The following FGD3 variants were observed in gnomAD, a reference collection of about 807,000 sequenced individuals.
FGD3 encodes FYVE, RhoGEF and PH domain containing 3, also known as FYVE, RhoGEF and PH domain-containing protein 3.
Under a neutral mutation model 71.8 loss-of-function variants are expected in FGD3, and 45 were observed. The observed-to-expected ratio is 0.63, with a 90% CI of 0.49 to 0.80. FGD3 has a LOEUF of 0.80. FGD3 is among the 30% of genes least tolerant of loss of function. FGD3 has a pLI of 0.00. For missense variants in FGD3, 844 were observed against 951.5 expected (o/e 0.89, Z 1.49); for synonymous variants, 378 against 392.8 (o/e 0.96, Z 0.44).
chr9:93,003,254 G>A lies in FGD3; in HGVS notation c.543+240G>A, dbSNP rs981608735. ...AGCAATTCTCCTGTCTCAGCCTCCC[G>A]AGTAGCTGGGACTACAGGCACATGC... On this transcript the variant is annotated intron_variant, in intron 4 of 17. Transcript: ENST00000375482. The surrounding 1 kb of genome is among the most constrained non-coding windows in gnomAD (Gnocchi z 4.1). Among the ~76,000 whole-genome samples the A allele has an allele frequency of 5.9e-5, 9 of 151,900 alleles. No individual in the cohort carries two copies. The highest frequency in any genetic ancestry group is 1.2e-4 in the Non-Finnish European group (8 of 67,980).
chr9:93,025,148 G>A (rs1041812872), intron 14 of FGD3, among the ~76,000 whole-genome samples: 5 of 152,220 alleles, frequency 3.3e-5, no homozygotes, highest in African/African-American at 1.2e-4. Flanking sequence ...GGACAGCACC[G>A]CCTGCCCCAC....
rs1451991754 is a variant in FGD3 at position 92,969,341 on chromosome 9, T to C, written c.-217-5897T>C. 6.6e-6 allele frequency among the ~76,000 whole-genome samples: 1 copy of C among 152,220 alleles called. No homozygotes were observed. Among genetic ancestry groups the C allele is most frequent in the Non-Finnish European group, 1.5e-5 (1 of 68,034 alleles). On this transcript the variant is annotated intron_variant, in intron 1 of 17. Transcript: ENST00000375482. This position sits in a 1 kb window ranked among gnomAD's most constrained non-coding sequence, Gnocchi z 4.5. The stretch of plus-strand genomic sequence containing the variant: ...TCACAGTGAGGTGCTGGCTTCCAAG[T>C]GTGAGAGCCCAGAGCTGTCTTCCCT...
chr9:93,013,454 A>G (rs1175230802), intron 8 of FGD3, among the ~76,000 whole-genome samples: 2 of 152,160 alleles, frequency 1.3e-5, no homozygotes, highest in Non-Finnish European at 2.9e-5. Flanking sequence ...ACCAGTCACC[A>G]TGGTCAGGGG....
At chr9:92,967,824 C>T (rs549105737) in intron 1 of FGD3, among the ~76,000 whole-genome samples, 251 of 152,248 alleles carry the variant, frequency 1.6e-3, no homozygotes, top group Non-Finnish European at 1.8e-3. Flanking sequence ...CCGCCCGCCT[C>T]GGCCTCCCAA....
In FGD3 at chr9:92,970,855, C is replaced by G. The variant is rs954510474; in HGVS notation, c.-217-4383C>G. Among the ~76,000 whole-genome samples the G allele has an allele frequency of 7.2e-5, 11 of 152,340 alleles. No homozygotes were observed. In the East Asian group the frequency reaches 2.1e-3, roughly 29 times the overall value. On this transcript the variant is annotated intron_variant, in intron 1 of 17. Transcript: ENST00000375482. ...AGGCCAGGCAGTGGCCACACCAGCC[C>G]AGGAGGGTTGCTGCTGGCAAAAGCC...
intron 3 of FGD3, among the ~76,000 whole-genome samples, chr9:92,999,680 G>A (rs1860786606): frequency 1.4e-5 from 2 of 145,798 alleles, no homozygotes; most frequent in Admixed American, 7.1e-5. Context: ...TGTAACCTCC[G>A]CCTCCCGGGT....
At chr9:93,026,955 G>A (rs1026999046) in intron 14 of FGD3, among the ~76,000 whole-genome samples, 4 of 152,362 alleles carry the variant, frequency 2.6e-5, no homozygotes, top group African/African-American at 9.6e-5. Context: ...AGCCTCTCTG[G>A]GTGCCCACCT....
chr9:93,009,832 C>T (rs1021941658), intron 6 of FGD3, among the ~76,000 whole-genome samples: 1 of 152,188 alleles, frequency 6.6e-6, no homozygotes, highest in Non-Finnish European at 1.5e-5. Context: ...AGCCCTGGCC[C>T]GATACCCAGT....
chr9:93,017,764 T>C (rs913302615), intron 10 of FGD3, among the ~76,000 whole-genome samples: 4 of 151,998 alleles, frequency 2.6e-5, no homozygotes, highest in Non-Finnish European at 5.9e-5. Flanking sequence ...ACGTGGCTGC[T>C]GTGGCGGGCA....
chr9:92,951,512 C>CA (rs1168692063), intron 1 of FGD3, among the ~76,000 whole-genome samples: 1 of 152,120 alleles, frequency 6.6e-6, no homozygotes, highest in African/African-American at 2.4e-5. Context: ...TCCTTGTCTG[C>CA]AAAAAATACA....
intron 3 of FGD3, among the ~76,000 whole-genome samples, chr9:92,979,652 T>G (rs567836194): frequency 6.6e-6 from 1 of 152,218 alleles, no homozygotes; most frequent in African/African-American, 2.4e-5. Flanking sequence ...CCTCTTCAAT[T>G]GTTTTGGAAG....
chr9:92,971,540 ATTTTT>A (rs1859526161), intron 1 of FGD3, among the ~76,000 whole-genome samples: 1 of 89,876 alleles, frequency 1.1e-5, no homozygotes, highest in East Asian at 3.5e-4. Flanking sequence ...TAAGGGTGGG[ATTTTT>A]CTTTTCTTTT....
At chr9:92,988,366 C>T (rs1181745616) in intron 3 of FGD3, among the ~76,000 whole-genome samples, 1 of 152,220 alleles carries the variant, frequency 6.6e-6, no homozygotes, top group Non-Finnish European at 1.5e-5. Context: ...TGCACAGGTT[C>T]CCTTACCTAC....
At chr9:92,967,770 T>C (rs1200589729) in intron 1 of FGD3, among the ~76,000 whole-genome samples, 7 of 152,192 alleles carry the variant, frequency 4.6e-5, no homozygotes, top group Admixed American at 2.6e-4. Flanking sequence ...AGACAGGGTT[T>C]CATCATGTTG....
Position 92,989,686 on chromosome 9 carries a change from CG to C in FGD3, c.453+12978del, listed in dbSNP as rs1268423054. On this transcript the variant is annotated intron_variant, in intron 3 of 17. Coordinates refer to ENST00000375482, the MANE Select transcript of FGD3 (RefSeq NM_001083536.2). ...TTGCAAGAGAAAAGGAGCCGGTAGG[CG>C]AATAGTCAATTATGTATTCATCTGG... 9.2e-5 allele frequency among the ~76,000 whole-genome samples: 14 copies of C among 152,228 alleles called. No individual in the cohort carries two copies. The East Asian group carries it at 2.7e-3, about 29-fold the overall frequency.
At chr9:93,028,232 A>G (rs1447606994) in intron 14 of FGD3, among the ~76,000 whole-genome samples, 1 of 148,916 alleles carries the variant, frequency 6.7e-6, no homozygotes, top group Admixed American at 6.7e-5. Context: ...ACACACACAC[A>G]CACACCCCAA....
intron 1 of FGD3, among the ~76,000 whole-genome samples, chr9:92,966,641 G>A (rs1859338101): frequency 1.3e-5 from 2 of 152,192 alleles, no homozygotes; most frequent in East Asian, 1.9e-4. Context: ...TCTGCCCAGG[G>A]TGCCAGTCTT....
At chr9:93,002,333 C>T (rs1375073168) in intron 3 of FGD3, among the ~76,000 whole-genome samples, 3 of 152,146 alleles carry the variant, frequency 2.0e-5, no homozygotes, top group Non-Finnish European at 2.9e-5. Flanking sequence ...CCTGTAATCC[C>T]AGCATTTTGG....
At chr9:92,950,965 G>T (rs995990690) in intron 1 of FGD3, among the ~76,000 whole-genome samples, 8 of 152,128 alleles carry the variant, frequency 5.3e-5, no homozygotes, top group African/African-American at 1.9e-4. Context: ...GCTGCCCCTG[G>T]CCTGCTTGGG....
Sources: gnomAD v4.1 joint callset for allele counts (sites outside exome capture counted in the v4.1 genomes callset) on GRCh38, gnomAD v4.1.1 for gene constraint, Gnocchi (gnomAD v3.1) non-coding constraint, MANE v1.5 for transcripts, NCBI Gene and HGNC (gene_info 2026-07-23, HGNC 2026-07-21) for gene names.